PHLPP1: variants seen among roughly 807,000 people sequenced by gnomAD.
PHLPP1 encodes PH domain and leucine rich repeat protein phosphatase 1, also known as PH domain leucine-rich repeat-containing protein phosphatase 1.
A neutral mutation model predicts 117.2 loss-of-function variants in PHLPP1; 42 were observed. The ratio of observed to expected loss-of-function variants is 0.36; its 90% CI spans 0.28 to 0.46. PHLPP1 has a LOEUF of 0.46. Ranked by LOEUF, PHLPP1 falls within the 20% of genes least tolerant of loss-of-function variation. PHLPP1 has a pLI of 1.00. For synonymous variants in PHLPP1, 1,042 were observed against 970.7 expected, an observed-to-expected ratio of 1.07 and a Z score of -1.37; for missense variants, 2,084 against 2,241.9, an observed-to-expected ratio of 0.93 and a Z score of 1.42.
chr18:62,941,600 GTCTTTTCAAT>G, intron 10 of PHLPP1, 108 bp from the exon 11 acceptor site: 1 of 695,896 alleles, frequency 1.4e-6, no homozygotes, highest in Non-Finnish European at 2.4e-6. Flanking sequence ...GCCAGGGCTT[GTCTTTTCAAT>G]TCATGTTTCT....
chr18:62,821,548 C>CAAAAAAAAA (rs1568127680), intron 1 of PHLPP1, among the ~76,000 whole-genome samples: 2 of 29,338 alleles, frequency 6.8e-5, no homozygotes, highest in African/African-American at 1.2e-4. Flanking sequence ...GACCCTTTAT[C>CAAAAAAAAA]CAAAAAAAAA....
intron 2 of PHLPP1, among the ~76,000 whole-genome samples, chr18:62,835,996 G>T (rs996993044): frequency 6.6e-6 from 1 of 151,418 alleles, no homozygotes. Flanking sequence ...GGCCAGGCTG[G>T]TCTCAAACTC....
At chr18:62,823,762 A>T (rs531030170) in intron 1 of PHLPP1, among the ~76,000 whole-genome samples, 1 of 152,280 alleles carries the variant, frequency 6.6e-6, no homozygotes, top group Non-Finnish European at 1.5e-5. Flanking sequence ...ACTTGCGAGA[A>T]GATGATTAGT....
intron 1 of PHLPP1, among the ~76,000 whole-genome samples, chr18:62,782,603 G>T (rs1422699868): frequency 6.6e-6 from 1 of 152,132 alleles, no homozygotes. Context: ...TTAACTATAA[G>T]TGTTATATAT....
chr18:62,943,389 G>A (rs747864318), intron 11 of PHLPP1, among the ~76,000 whole-genome samples: 4 of 152,188 alleles, frequency 2.6e-5, no homozygotes, highest in East Asian at 1.9e-4. Flanking sequence ...TAGTCATTTT[G>A]TCTTCACATC....
intron 1 of PHLPP1, among the ~76,000 whole-genome samples, chr18:62,718,695 C>T (rs1568092613): frequency 6.6e-6 from 1 of 152,144 alleles, no homozygotes; most frequent in Non-Finnish European, 1.5e-5. Flanking sequence ...GTATTCTTTT[C>T]TCCTTTAATT....
At chr18:62,767,369 C>T (rs531661956) in intron 1 of PHLPP1, among the ~76,000 whole-genome samples, 3 of 152,242 alleles carry the variant, frequency 2.0e-5, no homozygotes, top group South Asian at 2.1e-4. Flanking sequence ...GAGCCAAAAC[C>T]GCAATTCCTG....
intron 10 of PHLPP1, among the ~76,000 whole-genome samples, chr18:62,932,480 A>G (rs1287533699): frequency 1.3e-5 from 2 of 152,332 alleles, no homozygotes; most frequent in East Asian, 1.9e-4. Context: ...AAATCAATAT[A>G]TGTGATTCAC....
rs1912464304 is a variant in PHLPP1 at position 62,765,966 on chromosome 18, C to T, written c.1576+48707C>T. 1.3e-5 allele frequency among the ~76,000 whole-genome samples: 2 copies of T among 148,560 alleles called. 1 individual carries two copies. The highest frequency in any genetic ancestry group is 4.3e-4 in the South Asian group (2 of 4,660). Reference sequence around the variant, plus strand: ...TGAGCCGAGATTGCGCCACTGCACTCCAGCCTGGGCGACAGAGCGAGAAGG... The same window carrying T: ...TGAGCCGAGATTGCGCCACTGCACTTCAGCCTGGGCGACAGAGCGAGAAGG... On this transcript the variant is annotated intron_variant, in intron 1 of 16. Transcript: ENST00000262719.
intron 1 of PHLPP1, among the ~76,000 whole-genome samples, chr18:62,811,849 T>C (rs1914132398): frequency 6.6e-6 from 1 of 152,210 alleles, no homozygotes; most frequent in South Asian, 2.1e-4. Context: ...TTTTGAACTT[T>C]TGAATCCAGA....
intron 2 of PHLPP1, among the ~76,000 whole-genome samples, chr18:62,834,429 A>G (rs1914835409): frequency 6.6e-6 from 1 of 152,186 alleles, no homozygotes; most frequent in Non-Finnish European, 1.5e-5. Context: ...AATATTGTGC[A>G]AAGTATTAGA....
chr18:62,824,647 A>T (rs1224098548), intron 1 of PHLPP1, among the ~76,000 whole-genome samples: 1 of 152,218 alleles, frequency 6.6e-6, no homozygotes, highest in Non-Finnish European at 1.5e-5. Context: ...ATCTGTAAAA[A>T]AAAGTGGAAG....
At chr18:62,777,809 G>T (rs187674117) in intron 1 of PHLPP1, among the ~76,000 whole-genome samples, 1 of 152,116 alleles carries the variant, frequency 6.6e-6, no homozygotes, top group African/African-American at 2.4e-5. Context: ...TAAAGTGCTC[G>T]TTGTTTTTGT....
At chr18:62,799,836 T>C (rs1003715510) in intron 1 of PHLPP1, among the ~76,000 whole-genome samples, 4 of 152,188 alleles carry the variant, frequency 2.6e-5, no homozygotes, top group Non-Finnish European at 5.9e-5. Context: ...TAAATGTTCA[T>C]TAAAACATTT....
intron 12 of PHLPP1, among the ~76,000 whole-genome samples, chr18:62,953,694 C>T (rs944098619): frequency 6.6e-6 from 1 of 152,166 alleles, no homozygotes; most frequent in African/African-American, 2.4e-5. Flanking sequence ...TGAAAGAATA[C>T]TTGCATTTAT....
chr18:62,821,994 G>T (rs572916318), intron 1 of PHLPP1, among the ~76,000 whole-genome samples: 150 of 152,248 alleles, frequency 9.9e-4, no homozygotes, highest in Non-Finnish European at 1.7e-3. Flanking sequence ...CACTCAGGAG[G>T]CTGAGGCAGA....
At chr18:62,902,183 T>C (rs917801391) in intron 6 of PHLPP1, among the ~76,000 whole-genome samples, 9 of 152,244 alleles carry the variant, frequency 5.9e-5, no homozygotes, top group African/African-American at 2.2e-4. Context: ...CTAGTTCTTA[T>C]GGCTAGAGAT....
intron 10 of PHLPP1, among the ~76,000 whole-genome samples, chr18:62,921,021 T>C (rs914119090): frequency 3.3e-5 from 5 of 152,244 alleles, no homozygotes; most frequent in African/African-American, 9.6e-5. Flanking sequence ...AATTTCAACA[T>C]TAAATGAAGC....
At position 62,914,959 on chromosome 18, in the gene PHLPP1, C is replaced by G. The variant is rs1013492636; in HGVS notation, c.2755C>G (p.Leu919Val). The G allele has an allele frequency of 6.8e-6, 11 of 1,613,642 alleles. No homozygotes were observed. Among genetic ancestry groups the G allele is most frequent in the African/African-American group, 2.7e-5 (2 of 74,904 alleles). The change falls in exon 9 of 17, where the codon CTA (leucine) becomes GTA (valine). Residue 919 changes from leucine to valine, a missense_variant. Physicochemically the swap from Leu to Val is conservative, Grantham distance 32. This residue lies in a region of PHLPP1 where 1,365 missense variants were observed against 1,605.9 expected (regional missense o/e 0.85). Transcript: ENST00000262719. ...VPEWVCESRK[L>V]EVLDIGHNQI... Reference sequence around the variant, plus strand: ...TGAGTGGGTATGTGAAAGCCGAAAGCTAGAAGTTTTGGATATTGGCCATAA... The same window carrying G: ...TGAGTGGGTATGTGAAAGCCGAAAGGTAGAAGTTTTGGATATTGGCCATAA...
Sources: gnomAD v4.1 joint callset for allele counts (sites outside exome capture counted in the v4.1 genomes callset) on GRCh38, gnomAD v4.1.1 for gene constraint, gnomAD v4.1.1 regional missense constraint, MANE v1.5 for transcripts, NCBI Gene and HGNC (gene_info 2026-07-23, HGNC 2026-07-21) for gene names.